Variants in CUBN observed in about 807,000 individuals in gnomAD.
The protein encoded by CUBN is cubilin, also known as 460 kDa receptor.
A neutral mutation model predicts 405.3 loss-of-function variants in CUBN; 282 were observed. The observed-to-expected ratio is 0.70, with a 90% CI of 0.63 to 0.77. CUBN has a LOEUF of 0.77. Among genes scored for constraint, CUBN ranks in the 30% least tolerant of loss-of-function variants. The pLI, the probability that CUBN is intolerant of heterozygous loss-of-function variation, is 0.00. For missense variants in CUBN, 4,514 were observed against 4,475.2 expected (o/e 1.01, Z -0.25); for synonymous variants, 1,684 against 1,617.0 (o/e 1.04, Z -0.99).
At chr10:16,860,938 C>T (rs1476688563) in intron 59 of CUBN, among the ~76,000 whole-genome samples, 5 of 152,198 alleles carry the variant, frequency 3.3e-5, no homozygotes, top group Non-Finnish European at 7.3e-5. Flanking sequence ...CAGATGATAG[C>T]ACGCTCCAGC....
At chr10:16,849,707 C>G (rs910288062) in intron 60 of CUBN, among the ~76,000 whole-genome samples, 3 of 152,188 alleles carry the variant, frequency 2.0e-5, no homozygotes, top group African/African-American at 4.8e-5. Flanking sequence ...CTTGCCATCA[C>G]CGCCATGGCT....
chr10:16,886,302 T>G (rs74942409), intron 56 of CUBN, among the ~76,000 whole-genome samples: 1 of 152,168 alleles, frequency 6.6e-6, no homozygotes, highest in African/African-American at 2.4e-5. Context: ...AGTTCTGACA[T>G]GTCATTTTTA....
At chr10:17,092,484 C>G (rs1160782121) in intron 14 of CUBN, among the ~76,000 whole-genome samples, 1 of 151,972 alleles carries the variant, frequency 6.6e-6, no homozygotes, top group Non-Finnish European at 1.5e-5. Context: ...GATAGGAGGT[C>G]GGCACAAGAT....
chr10:16,880,530 TC>T, intron 56 of CUBN, among the ~76,000 whole-genome samples: 1 of 152,366 alleles, frequency 6.6e-6, no homozygotes, highest in South Asian at 2.1e-4. Context: ...CAGATTCTTG[TC>T]CCTGGTTTCC....
intron 21 of CUBN, 67 bp from the exon 22 acceptor site, chr10:17,065,705 A>C: frequency 6.3e-7 from 1 of 1,579,510 alleles, no homozygotes; most frequent in East Asian, 2.3e-5. Flanking sequence ...GATGTAACAA[A>C]AATTTGGACA....
chr10:17,107,776 C>T (rs537257026), intron 10 of CUBN, among the ~76,000 whole-genome samples: 3 of 152,090 alleles, frequency 2.0e-5, no homozygotes, highest in South Asian at 4.2e-4. Context: ...GGATGACAGG[C>T]GTGAGCCACC....
intron 17 of CUBN, among the ~76,000 whole-genome samples, chr10:17,077,567 T>G (rs1835880129): frequency 6.6e-6 from 1 of 152,210 alleles, no homozygotes; most frequent in Non-Finnish European, 1.5e-5. Flanking sequence ...TCAAAGCAAT[T>G]CAAATATGCT....
In CUBN at chr10:16,985,333, G is replaced by T. The variant is rs1183909823; in HGVS notation, c.4351-1054C>A. ...TGAACGTTGAGAGGAGTTTGGCCGG[G>T]GATGGTCAGACAGTTGATCATCCAC... is the stretch of plus-strand genomic sequence containing the variant. On this transcript the variant is annotated intron_variant, in intron 29 of 66. Transcript: ENST00000377833. Among the ~76,000 whole-genome samples the T allele has an allele frequency of 2.2e-4, 33 of 152,142 alleles. 1 individual carries two copies. Among genetic ancestry groups the T allele is most frequent in the Admixed American group, 1.8e-3 (28 of 15,266 alleles).
intron 28 of CUBN, among the ~76,000 whole-genome samples, chr10:17,001,316 G>A (rs1833873954): frequency 6.6e-6 from 1 of 152,226 alleles, no homozygotes; most frequent in East Asian, 1.9e-4. Context: ...CTGGTGCGCA[G>A]GAGGCCAGCT....
chr10:16,912,202 G>A (rs976415570), intron 48 of CUBN, among the ~76,000 whole-genome samples: 2 of 152,096 alleles, frequency 1.3e-5, no homozygotes, highest in African/African-American at 4.8e-5. Context: ...ATCATTTTAC[G>A]GCAATACAAA....
At chr10:17,077,305 A>T (rs78749947) in intron 17 of CUBN, among the ~76,000 whole-genome samples, 4,660 of 147,808 alleles carry the variant, frequency 0.032, 290 homozygotes, top group African/African-American at 0.11. Context: ...AACTACTCAT[A>T]AAAAAAAACG....
chr10:17,085,214 C>A (rs1836078845), intron 16 of CUBN, among the ~76,000 whole-genome samples: 1 of 152,170 alleles, frequency 6.6e-6, no homozygotes, highest in African/African-American at 2.4e-5. Flanking sequence ...TGGAAGCCAG[C>A]CCCAGCCCCT....
chr10:17,115,602 TG>T lies in CUBN; in HGVS notation c.594-6del, dbSNP rs1836874684. On this transcript the variant is annotated splice_polypyrimidine_tract_variant and splice_region_variant and intron_variant, in intron 6 of 66. Coordinates refer to ENST00000377833, the MANE Select transcript of CUBN (RefSeq NM_001081.4). ...GTCTCAGGTGGGCAGTGACAACTGT[TG>T]GTTACACAAGAGCACAATGTCAGGG... 1.2e-6 allele frequency: 2 copies of T among 1,614,064 alleles called. No homozygotes were observed. The highest frequency in any genetic ancestry group is 1.7e-6 in the Non-Finnish European group (2 of 1,180,014).
chr10:17,118,707 G>A (rs1416637920), intron 6 of CUBN, among the ~76,000 whole-genome samples: 2 of 152,184 alleles, frequency 1.3e-5, no homozygotes, highest in Admixed American at 6.5e-5. Context: ...AAAATGCTGG[G>A]ATTACAGGTG....
At chr10:16,933,529 C>T (rs1842419691) in intron 39 of CUBN, among the ~76,000 whole-genome samples, 2 of 152,234 alleles carry the variant, frequency 1.3e-5, no homozygotes, top group South Asian at 4.2e-4. Flanking sequence ...GCTATATAAC[C>T]CATTTAATAT....
rs1842848081 is a variant in CUBN at position 16,948,680 on chromosome 10, T to A, written c.5081-74A>T. On this transcript the variant is annotated intron_variant, in intron 34 of 66. Transcript: ENST00000377833. ...GACCGCTGTTTCTAGGAAACACATC[T>A]TTACTCGAATTACAAGAGACCAAAA... 7 of 1,577,902 alleles carry A rather than the reference T, an allele frequency of 4.4e-6. No individual in the cohort carries two copies. In the South Asian group the frequency reaches 8.0e-5, roughly 18 times the overall value.
chr10:16,888,655 T>C, intron 55 of CUBN, 89 bp from the exon 56 acceptor site: 1 of 1,093,920 alleles, frequency 9.1e-7, no homozygotes, highest in African/African-American at 1.5e-5. Flanking sequence ...TCCTAAATTA[T>C]CTATAGACAT....
chr10:17,082,559 G>T lies in CUBN; in HGVS notation c.2301+1712C>A, dbSNP rs558149407. ...CACCATGAAGGCTTTAACAGAAAGGGCCCCAAATTTCCCTGAAAATTATAG... is the reference window on the plus strand; with the variant it reads ...CACCATGAAGGCTTTAACAGAAAGGTCCCCAAATTTCCCTGAAAATTATAG... On this transcript the variant is annotated intron_variant, in intron 17 of 66. Transcript: ENST00000377833. Among the ~76,000 whole-genome samples the T allele has an allele frequency of 3.9e-5, 6 of 152,188 alleles. No homozygotes were observed. In the South Asian group the frequency reaches 1.2e-3, roughly 32 times the overall value.
At chr10:16,847,482 A>G (rs1201145208) in intron 60 of CUBN, among the ~76,000 whole-genome samples, 1 of 91,716 alleles carries the variant, frequency 1.1e-5, no homozygotes, top group African/African-American at 4.3e-5. Context: ...ACTCCAACTA[A>G]AAAAAAAAAT....
Sources: allele counts gnomAD v4.1 joint callset (sites outside exome capture counted in the v4.1 genomes callset), GRCh38; gene constraint gnomAD v4.1.1; transcripts MANE v1.5; gene names NCBI Gene and HGNC (gene_info 2026-07-23, HGNC 2026-07-21).